The following ATP11A variants were observed in gnomAD, a reference collection of about 807,000 sequenced individuals.
ATP11A encodes the protein phospholipid-transporting ATPase IH.
Under a neutral mutation model 154.4 loss-of-function variants are expected in ATP11A, and 81 were observed. The observed-to-expected ratio is 0.52, with a 90% CI of 0.44 to 0.63. ATP11A has a LOEUF of 0.63. ATP11A is among the 30% of genes least tolerant of loss of function. The probability of loss-of-function intolerance (pLI) is 0.00; values close to 1 mark genes in which losing one functional copy is unlikely to be tolerated. For missense variants in ATP11A, 1,316 were observed against 1,474.3 expected, an observed-to-expected ratio of 0.89 and a Z score of 1.76; for synonymous variants, 623 against 585.9, an observed-to-expected ratio of 1.06 and a Z score of -0.91.
intron 12 of ATP11A, 45 bp from the exon 13 acceptor site, chr13:112,831,330 C>T (rs765904604): frequency 1.1e-5 from 17 of 1,591,196 alleles, no homozygotes; most frequent in East Asian, 4.5e-5. Flanking sequence ...CGGGGACGTG[C>T]GGGCCTCCCT....
chr13:112,854,150 G>A (rs2079853965), intron 18 of ATP11A, 129 bp from the exon 19 acceptor site: 2 of 1,240,986 alleles, frequency 1.6e-6, no homozygotes, highest in Non-Finnish European at 2.2e-6. Context: ...ATGAGCCACA[G>A]TGTGGAGTGT....
chr13:112,772,003 T>C (rs2077236161), intron 1 of ATP11A, among the ~76,000 whole-genome samples: 1 of 152,196 alleles, frequency 6.6e-6, no homozygotes, highest in Non-Finnish European at 1.5e-5. Context: ...GCCAAGTTCT[T>C]ATCACAAGTG....
At chr13:112,880,172 T>C (rs2080842499) in intron 29 of ATP11A, 1 of 154,674 alleles carries the variant, frequency 6.5e-6, no homozygotes. Flanking sequence ...GAGCGGTTAC[T>C]GGAGCTCGCT....
intron 1 of ATP11A, among the ~76,000 whole-genome samples, chr13:112,704,409 C>G (rs555891838): frequency 6.6e-6 from 1 of 152,358 alleles, no homozygotes; most frequent in East Asian, 1.9e-4. Flanking sequence ...GGCTCCAGCA[C>G]TCAGCAGAAA....
chr13:112,868,945 C>G (rs1486070235), intron 25 of ATP11A, among the ~76,000 whole-genome samples: 1 of 152,124 alleles, frequency 6.6e-6, no homozygotes, highest in Non-Finnish European at 1.5e-5. Context: ...ATGCTACACA[C>G]TTTGAAACAA....
rs1373267207 is a variant in ATP11A, at chr13:112,697,099, T to TGG, written c.39+6645_39+6646insGG. Among the ~76,000 whole-genome samples the TGG allele has an allele frequency of 6.6e-6, 1 of 152,120 alleles. No homozygotes were observed. The highest frequency in any genetic ancestry group is 2.4e-5 in the African/African-American group (1 of 41,434). Reference sequence around the variant, plus strand: ...CAGGTGGGTGCCTGCGTGTCCAGCCTGAGGGGCGGCCCACGCAGCAGCCTC... The same window carrying TGG: ...CAGGTGGGTGCCTGCGTGTCCAGCCTGGGAGGGGCGGCCCACGCAGCAGCCTC... On this transcript the variant is annotated intron_variant, in intron 1 of 29. Coordinates refer to ENST00000375645, the MANE Select transcript of ATP11A (RefSeq NM_015205.3). The surrounding 1 kb of genome is among the most constrained non-coding windows in gnomAD (Gnocchi z 4.0).
In ATP11A at chr13:112,825,339, C is replaced by G. The variant is rs192854848; in HGVS notation, c.873-91C>G. 994 of 1,419,374 alleles carry G rather than the reference C, an allele frequency of 7.0e-4. 6 individuals carry two copies. The African/African-American group carries it at 0.011, about 16-fold the overall frequency. The allele number at this position is 1,419,374 out of a possible 1,614,324, so 87.9% of individuals were successfully genotyped here. ...TCACTGTGCCCTTCCTATTCTGTTTCTTCACGAGGTGTCATCTTGATATCT... is the reference window on the plus strand; with the variant it reads ...TCACTGTGCCCTTCCTATTCTGTTTGTTCACGAGGTGTCATCTTGATATCT... On this transcript the variant is annotated intron_variant, in intron 10 of 29. Transcript: ENST00000375645.
At chr13:112,741,985 C>T (rs896101020) in intron 1 of ATP11A, among the ~76,000 whole-genome samples, 1 of 151,630 alleles carries the variant, frequency 6.6e-6, no homozygotes, top group Non-Finnish European at 1.5e-5. Flanking sequence ...GTGGTTCCCC[C>T]ACCACAGAAG....
In ATP11A at chr13:112,856,104, C is replaced by G. The variant is rs765765856; in HGVS notation, c.2418+19C>G. 4 of 1,602,082 alleles carry G rather than the reference C, an allele frequency of 2.5e-6. No homozygotes were observed. In the Admixed American group the frequency reaches 5.1e-5, roughly 21 times the overall value. On this transcript the variant is annotated intron_variant, in intron 20 of 29. Coordinates refer to ENST00000375645, the MANE Select transcript of ATP11A (RefSeq NM_015205.3). ...GGCTCAGGTGCTGCCCGCCCGTCCT[C>G]GATAGCTGGTGGTCAGGGCGTCCAA... is the stretch of plus-strand genomic sequence containing the variant.
chr13:112,832,170 A>T (rs148335594), intron 13 of ATP11A, among the ~76,000 whole-genome samples: 150 of 152,304 alleles, frequency 9.8e-4, no homozygotes, highest in East Asian at 7.3e-3. Context: ...ACACGCCCCA[A>T]ATGCCGTGGC....
chr13:112,825,086 TTGA>T (rs1192373291), intron 10 of ATP11A, among the ~76,000 whole-genome samples: 2 of 152,232 alleles, frequency 1.3e-5, no homozygotes, highest in African/African-American at 4.8e-5. Context: ...AACTAATTTG[TTGA>T]TGCTTAATGG....
rs2080928671 is a variant in ATP11A, at chr13:112,883,478, C to A, written c.*1612C>A. The stretch of plus-strand genomic sequence containing the variant: ...TGGAACGGGGCTCCGGCAAGTGAAA[C>A]CCAGAGGGTGTTTCCGAGGTGCTCG... On this transcript the variant is annotated 3_prime_UTR_variant, in exon 30 of 30. Transcript: ENST00000375645. 1 of 343,656 alleles carries A rather than the reference C, an allele frequency of 2.9e-6. No homozygotes were observed. The highest frequency in any genetic ancestry group is 4.8e-5 in the Admixed American group (1 of 20,940). 21.3% of individuals were successfully genotyped at this position (343,656 alleles called of 1,614,324 possible).
At chr13:112,823,070 G>T (rs1015585683) in intron 8 of ATP11A, among the ~76,000 whole-genome samples, 6 of 152,364 alleles carry the variant, frequency 3.9e-5, no homozygotes, top group Middle Eastern at 3.4e-3. Context: ...AGCTCAGTGG[G>T]TCTGGATGGG....
intron 16 of ATP11A, 31 bp downstream of exon 16, chr13:112,836,282 G>C: frequency 7.2e-7 from 1 of 1,386,338 alleles, no homozygotes; most frequent in Non-Finnish European, 1.0e-6. Context: ...GATTTATTAA[G>C]TTATACGTGG....
chr13:112,765,334 C>T (rs1270458361), intron 1 of ATP11A, among the ~76,000 whole-genome samples: 6 of 152,152 alleles, frequency 3.9e-5, no homozygotes. Context: ...ACGCCTGGAA[C>T]CCCAGGCCCG....
chr13:112,830,984 G>A (rs1456829989), intron 12 of ATP11A, among the ~76,000 whole-genome samples: 1 of 151,988 alleles, frequency 6.6e-6, no homozygotes, highest in Non-Finnish European at 1.5e-5. Flanking sequence ...TTTTATTGTT[G>A]TTGTTAAGAT....
intron 6 of ATP11A, among the ~76,000 whole-genome samples, chr13:112,818,339 G>A (rs1248385166): frequency 4.0e-5 from 6 of 151,898 alleles, no homozygotes; most frequent in Admixed American, 1.3e-4. Flanking sequence ...CCGTTGGTGC[G>A]CTTGGTGACG....
At chr13:112,701,698 T>C (rs1340659038) in intron 1 of ATP11A, among the ~76,000 whole-genome samples, 1 of 152,044 alleles carries the variant, frequency 6.6e-6, no homozygotes, top group East Asian at 1.9e-4. Flanking sequence ...CTGGGCGTGG[T>C]GGCGGGCGCC....
chr13:112,778,636 C>CGCTGGAGTGAGGAGTAGCT (rs2077407311), intron 1 of ATP11A, among the ~76,000 whole-genome samples: 7 of 148,162 alleles, frequency 4.7e-5, no homozygotes, highest in African/African-American at 1.8e-4. Context: ...AGTGAGTAGC[C>CGCTGGAGTGAGGAGTAGCT]GCTGGAGTGA....
Sources: allele counts gnomAD v4.1 joint callset (sites outside exome capture counted in the v4.1 genomes callset), GRCh38; gene constraint gnomAD v4.1.1; non-coding constraint Gnocchi (gnomAD v3.1); transcripts MANE v1.5; gene names NCBI Gene and HGNC (gene_info 2026-07-23, HGNC 2026-07-21).